Variants in RGS7 observed in about 807,000 individuals in gnomAD.
RGS7 encodes the protein regulator of G protein signaling 7.
In RGS7, 27 loss-of-function variants were observed where a neutral mutation model predicts 81.1. The ratio of observed to expected loss-of-function variants is 0.33; its 90% confidence interval spans 0.25 to 0.46. The LOEUF (loss-of-function observed/expected upper bound fraction) is 0.46. Among genes scored for constraint, RGS7 ranks in the 20% least tolerant of loss-of-function variants. The pLI, the probability that RGS7 is intolerant of heterozygous loss-of-function variation, is 1.00. For missense variants in RGS7, 396 were observed against 607.4 expected (o/e 0.65, Z 3.66); for synonymous variants, 208 against 207.7 (o/e 1.00, Z -0.01).
chr1:241,167,946 C>T (rs1013509284), intron 2 of RGS7, among the ~76,000 whole-genome samples: 1 of 152,200 alleles, frequency 6.6e-6, no homozygotes, highest in African/African-American at 2.4e-5. Flanking sequence ...CAACTGAAAA[C>T]ATCTTGGAGC....
At chr1:241,356,385 C>T (rs2083571197) in intron 1 of RGS7, among the ~76,000 whole-genome samples, 1 of 152,190 alleles carries the variant, frequency 6.6e-6, no homozygotes, top group Non-Finnish European at 1.5e-5. Context: ...GTATATGCTT[C>T]GCCTACTTTC....
At chr1:241,344,228 G>A (rs2082744401) in intron 2 of RGS7, among the ~76,000 whole-genome samples, 1 of 152,092 alleles carries the variant, frequency 6.6e-6, no homozygotes, top group South Asian at 2.1e-4. Context: ...GTATTCGTTT[G>A]AACTATGCCA....
intron 2 of RGS7, among the ~76,000 whole-genome samples, chr1:241,103,023 A>C (rs77579048): frequency 4.6e-5 from 7 of 151,824 alleles, no homozygotes; most frequent in Non-Finnish European, 8.8e-5. Context: ...AAAAAAAAAA[A>C]CAGAGCAAGT....
intron 2 of RGS7, among the ~76,000 whole-genome samples, chr1:241,323,572 G>A (rs568998234): frequency 7.2e-5 from 11 of 152,228 alleles, no homozygotes; most frequent in Non-Finnish European, 1.6e-4. Context: ...TAGGAAATCA[G>A]AAGAATGAAC....
At chr1:241,130,211 G>A (rs7556401) in intron 2 of RGS7, among the ~76,000 whole-genome samples, 27 of 152,018 alleles carry the variant, frequency 1.8e-4, no homozygotes, top group African/African-American at 6.3e-4. Flanking sequence ...AATTTTTCTA[G>A]CCCAGCAAGA....
chr1:240,993,097 G>A (rs538949), intron 3 of RGS7, among the ~76,000 whole-genome samples: 972 of 78,776 alleles, frequency 0.012, 20 homozygotes, highest in African/African-American at 0.033. Flanking sequence ...GAAGGAAGGA[G>A]GGAGGGAGGG....
intron 2 of RGS7, among the ~76,000 whole-genome samples, chr1:241,270,784 G>A (rs2077843970): frequency 2.0e-5 from 3 of 149,674 alleles, no homozygotes; most frequent in Non-Finnish European, 1.5e-5. Flanking sequence ...TTGAGACGGA[G>A]TCTCGCTCTG....
At chr1:241,044,099 T>C (rs2060775985) in intron 3 of RGS7, among the ~76,000 whole-genome samples, 1 of 141,374 alleles carries the variant, frequency 7.1e-6, no homozygotes, top group Non-Finnish European at 1.5e-5. Flanking sequence ...ATTTCTTTCT[T>C]TTTGTTTTTT....
intron 18 of RGS7, among the ~76,000 whole-genome samples, chr1:240,783,265 T>C (rs1684436564): frequency 6.6e-6 from 1 of 152,174 alleles, no homozygotes; most frequent in Admixed American, 6.6e-5. Flanking sequence ...TAACAACCTA[T>C]GTATTTGTCC....
intron 2 of RGS7, among the ~76,000 whole-genome samples, chr1:241,132,741 ATTTGTTTGTTTGTTTG>A (rs751782828): frequency 2.1e-4 from 32 of 151,104 alleles, no homozygotes; most frequent in African/African-American, 6.6e-4. Context: ...TCAACTTATT[ATTTGTTTGTTTGTTTG>A]TTTGTTTGTT....
rs374619603 is a variant in RGS7 at position 240,949,527 on chromosome 1, G to A, written c.227-12821C>T. The stretch of plus-strand genomic sequence containing the variant: ...TCTCTCTACCCTCAAGAGACTCACA[G>A]TGACATGGAGTATCCTGTGCTTTAA... On this transcript the variant is annotated intron_variant, in intron 4 of 18. Coordinates refer to ENST00000440928, the MANE Select transcript of RGS7 (RefSeq NM_001364886.1). Among the ~76,000 whole-genome samples the A allele has an allele frequency of 1.4e-4, 21 of 152,218 alleles. 1 individual carries two copies. Among genetic ancestry groups the A allele is most frequent in the Admixed American group, 4.6e-4 (7 of 15,272 alleles).
chr1:240,971,094 T>G (rs551030765), intron 4 of RGS7, among the ~76,000 whole-genome samples: 3 of 152,212 alleles, frequency 2.0e-5, no homozygotes, highest in Non-Finnish European at 4.4e-5. Context: ...CGGGAGGTGA[T>G]TAGGTAATGA....
intron 2 of RGS7, among the ~76,000 whole-genome samples, chr1:241,278,656 G>GC (rs2078326182): frequency 6.6e-6 from 1 of 152,080 alleles, no homozygotes; most frequent in African/African-American, 2.4e-5. Flanking sequence ...TTTTCCACCA[G>GC]CCCACACACC....
chr1:241,338,753 T>C (rs1190840116), intron 2 of RGS7, among the ~76,000 whole-genome samples: 4 of 150,170 alleles, frequency 2.7e-5, no homozygotes, highest in Non-Finnish European at 1.5e-5. Context: ...ATATTAAATA[T>C]ATATATGTAT....
chr1:241,248,414 A>G (rs1213926251), intron 2 of RGS7, among the ~76,000 whole-genome samples: 2 of 147,388 alleles, frequency 1.4e-5, no homozygotes, highest in African/African-American at 2.5e-5. Flanking sequence ...ATATATATAC[A>G]TATATATATA....
chr1:240,896,267 T>C (rs1429136605), intron 6 of RGS7, among the ~76,000 whole-genome samples: 1 of 152,242 alleles, frequency 6.6e-6, no homozygotes, highest in Non-Finnish European at 1.5e-5. Context: ...TCTTTTGCTG[T>C]GCAGAAGCTC....
intron 4 of RGS7, among the ~76,000 whole-genome samples, chr1:240,953,513 A>C (rs116690230): frequency 6.6e-6 from 1 of 152,098 alleles, no homozygotes; most frequent in Middle Eastern, 3.4e-3. Context: ...AAAATGTCTA[A>C]AGAGAAACTG....
chr1:241,046,824 T>C (rs914453626), intron 3 of RGS7, among the ~76,000 whole-genome samples: 9 of 152,144 alleles, frequency 5.9e-5, no homozygotes, highest in African/African-American at 1.9e-4. Context: ...AGGTTTTGTC[T>C]CTTCTTCTTC....
At chr1:241,165,809 T>A in intron 2 of RGS7, among the ~76,000 whole-genome samples, 2 of 148,268 alleles carry the variant, frequency 1.3e-5, no homozygotes, top group African/African-American at 5.0e-5. Flanking sequence ...AAACCAGCCC[T>A]GAAAAAAAAA....
Sources: gnomAD v4.1 joint callset for allele counts (sites outside exome capture counted in the v4.1 genomes callset) on GRCh38, gnomAD v4.1.1 for gene constraint, MANE v1.5 for transcripts, NCBI Gene and HGNC (gene_info 2026-07-23, HGNC 2026-07-21) for gene names.